TP63: variants seen among roughly 807,000 people sequenced by gnomAD.
TP63 encodes the protein tumor protein 63.
TP63 carries 17 observed loss-of-function variants against 82.8 expected under a neutral mutation model. The observed-to-expected ratio is 0.21, with a 90% CI of 0.14 to 0.31. The LOEUF (loss-of-function observed/expected upper bound fraction) is 0.31, where lower values mean the gene tolerates loss of function less well. Among genes scored for constraint, TP63 ranks in the 10% least tolerant of loss-of-function variants. TP63 has a pLI of 1.00. For missense variants in TP63, 648 were observed against 895.3 expected, an observed-to-expected ratio of 0.72 and a Z score of 3.52; for synonymous variants, 330 against 321.7, an observed-to-expected ratio of 1.03 and a Z score of -0.28.
chr3:189,892,774 A>G (rs1327261269), intron 13 of TP63, among the ~76,000 whole-genome samples: 3 of 152,330 alleles, frequency 2.0e-5, no homozygotes, highest in African/African-American at 7.2e-5. Flanking sequence ...CCTGGGTGAA[A>G]GTGCAAGACT....
chr3:189,701,128 C>T (rs1042450533), intron 1 of TP63, among the ~76,000 whole-genome samples: 6 of 152,172 alleles, frequency 3.9e-5, no homozygotes, highest in Admixed American at 2.6e-4. Flanking sequence ...TGATGCCTCC[C>T]CAGCCACATG....
At chr3:189,684,356 A>G (rs543906590) in intron 1 of TP63, among the ~76,000 whole-genome samples, 17 of 152,322 alleles carry the variant, frequency 1.1e-4, no homozygotes, top group African/African-American at 3.6e-4. Flanking sequence ...ACATCTGAAC[A>G]GAGAGTTTTG....
chr3:189,648,397 G>T (rs1712600894), intron 1 of TP63, among the ~76,000 whole-genome samples: 1 of 146,964 alleles, frequency 6.8e-6, no homozygotes, highest in South Asian at 2.2e-4. Context: ...ACAGACATTT[G>T]TCTACTTTGT....
intron 1 of TP63, among the ~76,000 whole-genome samples, chr3:189,641,482 T>G (rs1185509239): frequency 6.6e-6 from 1 of 152,066 alleles, no homozygotes; most frequent in African/African-American, 2.4e-5. Context: ...CAAAGAAAAA[T>G]TTAGTAAAAC....
chr3:189,770,023 T>G (rs186191646), intron 3 of TP63, among the ~76,000 whole-genome samples: 2 of 152,360 alleles, frequency 1.3e-5, no homozygotes, highest in East Asian at 3.9e-4. Context: ...CGTTTTTGTG[T>G]GTTAAACATA....
chr3:189,738,525 A>G, intron 2 of TP63, 117 bp from the exon 3 acceptor site: 1 of 1,493,780 alleles, frequency 6.7e-7, no homozygotes, highest in South Asian at 1.2e-5. Context: ...TTCTAACTCC[A>G]AGAAACCAAT....
chr3:189,608,634 A>T, the TP63 span, among the ~76,000 whole-genome samples: 2 of 152,146 alleles, frequency 1.3e-5, no homozygotes, highest in Non-Finnish European at 2.9e-5. Context: ...AAGGCAGAAT[A>T]TGACTTAAAT....
chr3:189,618,264 C>T, the TP63 span, among the ~76,000 whole-genome samples: 1 of 152,206 alleles, frequency 6.6e-6, no homozygotes, highest in Non-Finnish European at 1.5e-5. Flanking sequence ...GCTACCTCTT[C>T]AGTCAACAAA....
chr3:189,862,609 G>A (rs1267429194), intron 4 of TP63, among the ~76,000 whole-genome samples: 2 of 152,094 alleles, frequency 1.3e-5, no homozygotes, highest in Admixed American at 6.5e-5. Context: ...GTCATCTTAC[G>A]AAATTCATGG....
At chr3:189,692,794 A>T (rs965064762) in intron 1 of TP63, among the ~76,000 whole-genome samples, 2 of 152,156 alleles carry the variant, frequency 1.3e-5, no homozygotes, top group Non-Finnish European at 2.9e-5. Context: ...GCTCACAGCT[A>T]TGAGTGGCCA....
At chr3:189,716,647 A>G (rs758892185) in intron 1 of TP63, among the ~76,000 whole-genome samples, 1 of 152,210 alleles carries the variant, frequency 6.6e-6, no homozygotes, top group Non-Finnish European at 1.5e-5. Context: ...TTATAGCCCA[A>G]CATTTTTAAA....
intron 1 of TP63, among the ~76,000 whole-genome samples, chr3:189,697,123 C>T (rs1011957129): frequency 1.1e-4 from 17 of 151,656 alleles, no homozygotes; most frequent in Non-Finnish European, 2.5e-4. Flanking sequence ...CCAGATTTTT[C>T]CCATATTTTC....
intron 1 of TP63, among the ~76,000 whole-genome samples, chr3:189,631,913 G>A (rs938305089): frequency 7.2e-5 from 11 of 152,100 alleles, no homozygotes; most frequent in Non-Finnish European, 1.3e-4. Context: ...ATATAATAAT[G>A]TATGGATAAT....
chr3:189,782,749 A>G (rs1352643410), intron 3 of TP63, among the ~76,000 whole-genome samples: 3 of 152,252 alleles, frequency 2.0e-5, no homozygotes, highest in African/African-American at 7.2e-5. Flanking sequence ...TTCTCTTTCC[A>G]AAGTAGACCA....
chr3:189,705,152 A>G (rs927035982), intron 1 of TP63, among the ~76,000 whole-genome samples: 1 of 152,238 alleles, frequency 6.6e-6, no homozygotes. Context: ...TGCTCAAGCT[A>G]TCTGAGAAGC....
chr3:189,822,624 G>A (rs984576685), intron 4 of TP63, among the ~76,000 whole-genome samples: 2 of 152,188 alleles, frequency 1.3e-5, no homozygotes, highest in South Asian at 2.1e-4. Context: ...CACTTCTGAT[G>A]TACAAGTGCC....
intron 1 of TP63, among the ~76,000 whole-genome samples, chr3:189,679,703 G>A (rs1715743608): frequency 6.6e-6 from 1 of 151,820 alleles, no homozygotes; most frequent in South Asian, 2.1e-4. Context: ...AAAAATCATT[G>A]CCCAGACTAA....
At chr3:189,621,224 T>C in the TP63 span, among the ~76,000 whole-genome samples, 4 of 152,192 alleles carry the variant, frequency 2.6e-5, no homozygotes, top group African/African-American at 9.6e-5. Context: ...ATTAGGAGCT[T>C]ATGAATTTTC....
At chr3:189,625,893 C>T in the TP63 span, among the ~76,000 whole-genome samples, 18 of 152,264 alleles carry the variant, frequency 1.2e-4, no homozygotes, top group African/African-American at 3.8e-4. Flanking sequence ...TCAGGTTTGT[C>T]TGTTAAAGAA....
Sources: gnomAD v4.1 joint callset for allele counts (sites outside exome capture counted in the v4.1 genomes callset) on GRCh38, gnomAD v4.1.1 for gene constraint, MANE v1.5 for transcripts, NCBI Gene and HGNC (gene_info 2026-07-23, HGNC 2026-07-21) for gene names.